The following HTR1F variants were observed in gnomAD, a reference collection of about 807,000 sequenced individuals.
HTR1F encodes the protein 5-hydroxytryptamine receptor 1F, also known as 5-hydroxytryptamine (serotonin) receptor 1F, G protein-coupled.
HTR1F carries 17 observed loss-of-function variants against 24.0 expected under a neutral mutation model. That is an observed-to-expected ratio of 0.71 (90% confidence interval 0.48 to 1.06). The LOEUF (loss-of-function observed/expected upper bound fraction) is 1.06, where lower values mean the gene tolerates loss of function less well. Ranked by LOEUF, HTR1F falls within the 50% of genes least tolerant of loss-of-function variation. The pLI is 0.00. For missense variants in HTR1F, 391 were observed against 427.8 expected (o/e 0.91, Z 0.76); for synonymous variants, 186 against 156.8 (o/e 1.19, Z -1.39).
At chr3:87,939,573 A>G (rs762766009) in intron 2 of HTR1F, among the ~76,000 whole-genome samples, 7 of 152,280 alleles carry the variant, frequency 4.6e-5, no homozygotes, top group Middle Eastern at 3.4e-3. Flanking sequence ...TCTGTTCAGG[A>G]TTCGACTTCT....
intron 2 of HTR1F, among the ~76,000 whole-genome samples, chr3:87,980,866 G>A (rs1336915822): frequency 6.6e-6 from 1 of 152,208 alleles, no homozygotes; most frequent in Non-Finnish European, 1.5e-5. Context: ...AGTGGGTGCT[G>A]GGAGTGGGGA....
At chr3:87,896,747 TA>T (rs1448577013) in intron 2 of HTR1F, among the ~76,000 whole-genome samples, 5 of 152,044 alleles carry the variant, frequency 3.3e-5, no homozygotes, top group African/African-American at 1.2e-4. Flanking sequence ...GTAACCTAAT[TA>T]AAAATGGACA....
chr3:87,837,410 GT>G (rs1704704218), intron 2 of HTR1F, among the ~76,000 whole-genome samples: 1 of 152,044 alleles, frequency 6.6e-6, no homozygotes. Flanking sequence ...TTTTCTTACA[GT>G]TCCAGCAAAA....
At chr3:87,946,226 G>A (rs770370991) in intron 2 of HTR1F, among the ~76,000 whole-genome samples, 6 of 152,154 alleles carry the variant, frequency 3.9e-5, no homozygotes, top group Non-Finnish European at 7.3e-5. Context: ...AGTCAGCGGC[G>A]GTATGCGACG....
chr3:87,817,157 T>C (rs1383601547), intron 1 of HTR1F, among the ~76,000 whole-genome samples: 2 of 152,176 alleles, frequency 1.3e-5, no homozygotes, highest in South Asian at 2.1e-4. Context: ...TCTTTATTAA[T>C]TCTTGTATTT....
At chr3:87,860,275 C>G (rs940930773) in intron 2 of HTR1F, among the ~76,000 whole-genome samples, 3 of 152,108 alleles carry the variant, frequency 2.0e-5, no homozygotes, top group Admixed American at 6.6e-5. Context: ...AATAAACATA[C>G]TTTAAAACTT....
chr3:87,925,780 ATGGACAC>A (rs1158343645), intron 2 of HTR1F, among the ~76,000 whole-genome samples: 5 of 152,078 alleles, frequency 3.3e-5, no homozygotes, highest in Admixed American at 6.6e-5. Flanking sequence ...GGTAGTGGTA[ATGGACAC>A]TGCTAGAGAT....
rs182605862 is a variant in HTR1F, at chr3:87,846,445, A to T, written c.-43+24321A>T. Among the ~76,000 whole-genome samples the T allele has an allele frequency of 7.8e-4, 118 of 151,992 alleles. 1 individual carries two copies. The highest frequency in any genetic ancestry group is 3.4e-3 in the Middle Eastern group (1 of 294). On this transcript the variant is annotated intron_variant, in intron 2 of 2. Transcript: ENST00000319595. ...GAGCAAGACTCCATCTCAAAAAAAA[A>T]ATATATTATGAACACAAAGCGGATA... is the stretch of plus-strand genomic sequence containing the variant.
chr3:87,840,521 A>G (rs919320915), intron 2 of HTR1F, among the ~76,000 whole-genome samples: 1 of 152,194 alleles, frequency 6.6e-6, no homozygotes, highest in Non-Finnish European at 1.5e-5. Flanking sequence ...TAGCACAGCC[A>G]TTCTGGAAAA....
At chr3:87,978,890 G>GAGGGAGGT (rs1250443484) in intron 2 of HTR1F, among the ~76,000 whole-genome samples, 1 of 46,136 alleles carries the variant, frequency 2.2e-5, no homozygotes, top group East Asian at 9.7e-4. Flanking sequence ...GGGAGGGAGG[G>GAGGGAGGT]AGGAAGGAAG....
intron 2 of HTR1F, among the ~76,000 whole-genome samples, chr3:87,880,945 G>A (rs1575980980): frequency 6.6e-6 from 1 of 152,304 alleles, no homozygotes; most frequent in East Asian, 1.9e-4. Flanking sequence ...CATTAAAATA[G>A]AAGTATGAGT....
At chr3:87,858,991 T>G (rs964792150) in intron 2 of HTR1F, among the ~76,000 whole-genome samples, 1 of 151,938 alleles carries the variant, frequency 6.6e-6, no homozygotes, top group African/African-American at 2.4e-5. Context: ...AGGTCAGGAG[T>G]TCGAGACCAG....
At chr3:87,878,424 T>C (rs1705717180) in intron 2 of HTR1F, among the ~76,000 whole-genome samples, 1 of 152,168 alleles carries the variant, frequency 6.6e-6, no homozygotes, top group South Asian at 2.1e-4. Context: ...TCGATAAAAA[T>C]GATTTCCAGC....
intron 2 of HTR1F, among the ~76,000 whole-genome samples, chr3:87,894,770 G>A (rs1382373962): frequency 2.6e-5 from 4 of 151,924 alleles, no homozygotes; most frequent in Non-Finnish European, 1.5e-5. Context: ...ACTGTAAAAT[G>A]GGGATAAAAT....
intron 2 of HTR1F, among the ~76,000 whole-genome samples, chr3:87,898,273 T>C (rs532490387): frequency 1.1e-3 from 172 of 152,334 alleles, no homozygotes; most frequent in African/African-American, 4.0e-3. Flanking sequence ...TGTGGGATGA[T>C]AGAGCCTGGA....
chr3:87,838,607 AT>A (rs1040898476), intron 2 of HTR1F, among the ~76,000 whole-genome samples: 3 of 152,096 alleles, frequency 2.0e-5, no homozygotes, highest in African/African-American at 7.2e-5. Flanking sequence ...CTTTTGTTGC[AT>A]TGTAGCTGAA....
chr3:87,932,722 AC>A (rs1189107276), intron 2 of HTR1F, among the ~76,000 whole-genome samples: 4 of 151,618 alleles, frequency 2.6e-5, no homozygotes, highest in Non-Finnish European at 5.9e-5. Flanking sequence ...TAGCTTACCA[AC>A]CAAAAAGAGT....
chr3:87,900,205 A>G (rs1042571101), intron 2 of HTR1F, among the ~76,000 whole-genome samples: 7 of 152,198 alleles, frequency 4.6e-5, no homozygotes, highest in Non-Finnish European at 1.0e-4. Flanking sequence ...TTTAAACAAC[A>G]CAGTCAGATA....
At chr3:87,802,032 C>A (rs1260513641) in intron 1 of HTR1F, among the ~76,000 whole-genome samples, 1 of 142,738 alleles carries the variant, frequency 7.0e-6, no homozygotes, top group Non-Finnish European at 1.5e-5. Flanking sequence ...TCCCTCCCTT[C>A]TTCCCTCCCT....
Sources: gnomAD v4.1 joint callset for allele counts (sites outside exome capture counted in the v4.1 genomes callset) on GRCh38, gnomAD v4.1.1 for gene constraint, MANE v1.5 for transcripts, NCBI Gene and HGNC (gene_info 2026-07-23, HGNC 2026-07-21) for gene names.